The following C16orf87 variants were observed in gnomAD, a reference collection of about 807,000 sequenced individuals.
The protein encoded by C16orf87 is HDAC and MIER1 interacting protein 1.
In C16orf87, 13 loss-of-function variants were observed where a neutral mutation model predicts 21.0. The observed-to-expected ratio is 0.62, with a 90% CI of 0.40 to 0.98. C16orf87 has a LOEUF of 0.98. Among genes scored for constraint, C16orf87 ranks in the 50% least tolerant of loss-of-function variants. C16orf87 has a pLI of 0.00. For synonymous variants in C16orf87, 49 were observed against 60.2 expected (o/e 0.81, Z 0.86); for missense variants, 113 against 180.4 (o/e 0.63, Z 2.14).
intron 1 of C16orf87, among the ~76,000 whole-genome samples, chr16:46,826,686 C>G (rs1449999201): frequency 6.6e-6 from 1 of 152,130 alleles, no homozygotes; most frequent in Non-Finnish European, 1.5e-5. Flanking sequence ...AAAAATGCTA[C>G]ATTTTTTAAA....
intron 1 of C16orf87, chr16:46,830,612 G>T (rs2143197408): frequency 6.5e-6 from 1 of 154,458 alleles, no homozygotes; most frequent in East Asian, 1.9e-4. Flanking sequence ...TCGCGGAGGG[G>T]CCGTTTTGGG....
rs1237706672 is a variant in C16orf87, at chr16:46,800,837, C to G, written c.*2115G>C. 1 of 152,138 alleles carries G rather than the reference C, an allele frequency of 6.6e-6. No homozygotes were observed. Among genetic ancestry groups the G allele is most frequent in the Non-Finnish European group, 1.5e-5 (1 of 68,014 alleles). The allele number at this position is 152,138 out of a possible 1,614,324, so 9.4% of individuals were successfully genotyped here. ...TAAATAGGTTATGTCACAGAGGAAA[C>G]CTAATTTGCCTCTCTGCCACGGAAA... On this transcript the variant is annotated 3_prime_UTR_variant, in exon 4 of 4. Coordinates refer to ENST00000285697, the MANE Select transcript of C16orf87 (RefSeq NM_001001436.4).
chr16:46,820,906 T>G (rs1959389712), intron 2 of C16orf87, among the ~76,000 whole-genome samples: 1 of 152,234 alleles, frequency 6.6e-6, no homozygotes. Context: ...AAGAATGGCA[T>G]TTTGTTTCAA....
intron 2 of C16orf87, among the ~76,000 whole-genome samples, chr16:46,810,314 A>C (rs1377475155): frequency 6.6e-6 from 1 of 152,220 alleles, no homozygotes; most frequent in African/African-American, 2.4e-5. Context: ...CACTTTAGCC[A>C]CAGATAAGGT....
chr16:46,804,791 T>A (rs1967877196), intron 3 of C16orf87, among the ~76,000 whole-genome samples: 1 of 152,184 alleles, frequency 6.6e-6, no homozygotes, highest in African/African-American at 2.4e-5. Context: ...GCAACCACTG[T>A]TCTGATTTCT....
At chr16:46,828,680 T>C (rs1959724338) in intron 1 of C16orf87, among the ~76,000 whole-genome samples, 1 of 152,208 alleles carries the variant, frequency 6.6e-6, no homozygotes, top group African/African-American at 2.4e-5. Context: ...AACTGGGAAA[T>C]CTCAAATTTA....
At chr16:46,806,700 TTAA>T (rs1278480303) in intron 3 of C16orf87, among the ~76,000 whole-genome samples, 2 of 152,222 alleles carry the variant, frequency 1.3e-5, no homozygotes, top group African/African-American at 4.8e-5. Context: ...CAAAAATTGT[TTAA>T]TGATTTGTTT....
intron 2 of C16orf87, among the ~76,000 whole-genome samples, chr16:46,822,461 C>G (rs1959455079): frequency 6.6e-6 from 1 of 152,116 alleles, no homozygotes; most frequent in Non-Finnish European, 1.5e-5. Context: ...AGAGTAAGAT[C>G]CAGAAATGCA....
In C16orf87 at chr16:46,798,899, C is replaced by G. The variant is rs1967696916; in HGVS notation, c.*4053G>C. On this transcript the variant is annotated 3_prime_UTR_variant, in exon 4 of 4. Transcript: ENST00000285697. Reference sequence around the variant, plus strand: ...TTCCAACAAGCAGAAATAAAAGAGTCTACCCTCAATCTACTAAAGGGTATT... The same window carrying G: ...TTCCAACAAGCAGAAATAAAAGAGTGTACCCTCAATCTACTAAAGGGTATT... 6.6e-6 allele frequency: 1 copy of G among 152,050 alleles called. No individual in the cohort carries two copies. The highest frequency in any genetic ancestry group is 1.5e-5 in the Non-Finnish European group (1 of 68,012). The allele number at this position is 152,050 out of a possible 1,614,324, so 9.4% of individuals were successfully genotyped here. A position where few individuals can be genotyped will look rare whatever the true frequency, so the allele number is the denominator to read the frequency against.
intron 1 of C16orf87, among the ~76,000 whole-genome samples, chr16:46,825,287 G>C (rs1429492032): frequency 6.6e-6 from 1 of 152,130 alleles, no homozygotes; most frequent in Non-Finnish European, 1.5e-5. Context: ...AGTTTCCAAG[G>C]CAAGAAAAAC....
intron 3 of C16orf87, among the ~76,000 whole-genome samples, chr16:46,804,181 T>C (rs755647238): frequency 2.0e-5 from 3 of 152,226 alleles, no homozygotes; most frequent in African/African-American, 4.8e-5. Context: ...TCAGGTATTT[T>C]ATCATTTTTA....
chr16:46,821,916 C>T (rs1245696529), intron 2 of C16orf87, among the ~76,000 whole-genome samples: 1 of 152,172 alleles, frequency 6.6e-6, no homozygotes, highest in African/African-American at 2.4e-5. Context: ...ATCTTTCCCC[C>T]ACAGCTTGTT....
chr16:46,828,060 G>C (rs548188751), intron 1 of C16orf87, among the ~76,000 whole-genome samples: 1 of 151,460 alleles, frequency 6.6e-6, no homozygotes, highest in Non-Finnish European at 1.5e-5. Context: ...TCAGCCTCCC[G>C]AGTAGCTGGA....
intron 2 of C16orf87, among the ~76,000 whole-genome samples, chr16:46,817,916 C>CAAAAAAAAAAA (rs1056745014): frequency 1.3e-3 from 91 of 67,966 alleles, no homozygotes; most frequent in Admixed American, 1.7e-3. Flanking sequence ...CATCAAAAAG[C>CAAAAAAAAAAA]AAAAAAAAAA....
Position 46,809,769 on chromosome 16 carries a change from G to C in C16orf87, c.180C>G (p.Ala60=), listed in dbSNP as rs777223832. The change falls in exon 3 of 4, where the codon GCC becomes GCG. Residue 60 remains alanine (A), a synonymous_variant. Transcript: ENST00000285697. The part of the protein sequence containing the change: ...SPPSTENKHE[A]KRRRTERVRR... ...TAACTCTCTCTGTTCGCCTCCTCTTGGCCTCATGCTTGTTTTCTGTATGGA... is the reference window on the plus strand; with the variant it reads ...TAACTCTCTCTGTTCGCCTCCTCTTCGCCTCATGCTTGTTTTCTGTATGGA... The C allele has an allele frequency of 6.2e-7, 1 of 1,605,114 alleles. No individual in the cohort carries two copies. Among genetic ancestry groups the C allele is most frequent in the South Asian group, 1.1e-5 (1 of 90,576 alleles).
rs28447050 is a variant in C16orf87, at chr16:46,802,830, C to A, written c.*122G>T. On this transcript the variant is annotated 3_prime_UTR_variant, in exon 4 of 4. Transcript: ENST00000285697. Reference sequence around the variant, plus strand: ...AGTGTGGCACAGGCTAAACGACAGGCGAGAAAGAAACAATCGATGGCCCTT... The same window carrying A: ...AGTGTGGCACAGGCTAAACGACAGGAGAGAAAGAAACAATCGATGGCCCTT... The A allele has an allele frequency of 3.1e-6, 2 of 650,974 alleles. No individual in the cohort carries two copies. The highest frequency in any genetic ancestry group is 5.6e-6 in the Non-Finnish European group (2 of 357,934). 40.3% of individuals were successfully genotyped at this position (650,974 alleles called of 1,614,324 possible).
rs957457308 is a variant in C16orf87, at chr16:46,800,083, T to C, written c.*2869A>G. On this transcript the variant is annotated 3_prime_UTR_variant, in exon 4 of 4. Transcript: ENST00000285697. ...AGAGAATCAAGTGCAATTACTAGAGTTAAAGAAGTCAAATACTTTTCAATT... is the reference window on the plus strand; with the variant it reads ...AGAGAATCAAGTGCAATTACTAGAGCTAAAGAAGTCAAATACTTTTCAATT... The C allele has an allele frequency of 2.6e-5, 4 of 152,198 alleles. No individual in the cohort carries two copies. Among genetic ancestry groups the C allele is most frequent in the African/African-American group, 9.7e-5 (4 of 41,448 alleles). The allele number at this position is 152,198 out of a possible 1,614,324, so 9.4% of individuals were successfully genotyped here.
In C16orf87 at chr16:46,824,409, G is replaced by T; in HGVS notation, c.140C>A (p.Ser47Ter). 1 of 1,539,598 alleles carries T rather than the reference G, an allele frequency of 6.5e-7. No individual in the cohort carries two copies. Among genetic ancestry groups the T allele is most frequent in the Non-Finnish European group, 8.9e-7 (1 of 1,119,732 alleles). ...ACCTGTAGAAGGTGGTGATTTCTCT[G>T]AGTGTTTTGCATTTAAAAGTTTTCT... is the stretch of plus-strand genomic sequence containing the variant. The part of the protein sequence containing the change: ...ISRKLLNAKH[S>*]EKSPPSTENK... Residue 47 changes from serine to a stop codon, truncating the protein, a stop_gained, in exon 2 of 4, where the codon TCA becomes TAA. Transcript: ENST00000285697. LOFTEE classifies it high-confidence loss of function.
In C16orf87 at chr16:46,824,489, G is replaced by GA. The variant is rs1386900358; in HGVS notation, c.67-8dup. 3 of 1,250,404 alleles carry GA rather than the reference G, an allele frequency of 2.4e-6. No homozygotes were observed. Among genetic ancestry groups the GA allele is most frequent in the Non-Finnish European group, 2.3e-6 (2 of 884,160 alleles). 77.5% of individuals were successfully genotyped at this position (1,250,404 alleles called of 1,614,324 possible). A position where few individuals can be genotyped will look rare whatever the true frequency, so the allele number is the denominator to read the frequency against. ...ATTTACATGCAACAGGAACCTGTAGGAAAAAAAGAAAAATATATATTATTA... is the reference window on the plus strand; with the variant it reads ...ATTTACATGCAACAGGAACCTGTAGGAAAAAAAAGAAAAATATATATTATTA... On this transcript the variant is annotated splice_region_variant and splice_polypyrimidine_tract_variant and intron_variant, in intron 1 of 3. Coordinates refer to ENST00000285697, the MANE Select transcript of C16orf87 (RefSeq NM_001001436.4).
Sources: allele counts gnomAD v4.1 joint callset (sites outside exome capture counted in the v4.1 genomes callset), GRCh38; gene constraint gnomAD v4.1.1; transcripts MANE v1.5; gene names NCBI Gene and HGNC (gene_info 2026-07-23, HGNC 2026-07-21).